The following CYTH3 variants were observed in gnomAD, a reference collection of about 807,000 sequenced individuals.
CYTH3 encodes cytohesin 3.
A neutral mutation model predicts 55.1 loss-of-function variants in CYTH3; 23 were observed. That is an observed-to-expected ratio of 0.42 (90% CI 0.30 to 0.59). The LOEUF is 0.59. CYTH3 is among the 20% of genes least tolerant of loss of function. The pLI, the probability that CYTH3 is intolerant of heterozygous loss-of-function variation, is 0.20. For missense variants in CYTH3, 413 were observed against 524.8 expected (o/e 0.79, Z 2.08); for synonymous variants, 249 against 194.9 (o/e 1.28, Z -2.31).
intron 9 of CYTH3, 123 bp from the exon 10 acceptor site, chr7:6,165,933 G>C: frequency 1.1e-6 from 1 of 931,354 alleles, no homozygotes; most frequent in South Asian, 1.5e-5. Flanking sequence ...GCCAGGCTTG[G>C]GTTCAGGTGT....
intron 1 of CYTH3, among the ~76,000 whole-genome samples, chr7:6,204,199 TACAG>T (rs1784132472): frequency 6.6e-6 from 1 of 152,188 alleles, no homozygotes; most frequent in African/African-American, 2.4e-5. Flanking sequence ...TTACAATTGA[TACAG>T]ACAAACTCAG....
chr7:6,198,852 C>T (rs947846293), intron 1 of CYTH3, among the ~76,000 whole-genome samples: 4 of 152,042 alleles, frequency 2.6e-5, no homozygotes, highest in African/African-American at 7.2e-5. Context: ...AATGCACCCA[C>T]CACGAGCTTC....
At chr7:6,214,808 T>C (rs1446865911) in intron 1 of CYTH3, among the ~76,000 whole-genome samples, 3 of 152,178 alleles carry the variant, frequency 2.0e-5, no homozygotes, top group African/African-American at 4.8e-5. Context: ...GTACCAACTA[T>C]GATAAAAACT....
rs147202602 is a variant in CYTH3, at chr7:6,175,587, A to G, written c.369-1854T>C. ...TTTTTTGAGAGAGTCTCACTCTGTT[A>G]CCCAGGCTGGAGTCCAATAACATGA... On this transcript the variant is annotated intron_variant, in intron 5 of 12. Transcript: ENST00000350796. Among the ~76,000 whole-genome samples, 812 of 109,574 alleles carry G rather than the reference A, an allele frequency of 7.4e-3. 7 individuals carry two copies. Among genetic ancestry groups the G allele is most frequent in the African/African-American group, 0.029 (769 of 26,512 alleles). 71.9% of individuals were successfully genotyped at this position (109,574 alleles called of 152,430 possible).
At chr7:6,207,180 C>G (rs1784211739) in intron 1 of CYTH3, among the ~76,000 whole-genome samples, 1 of 149,574 alleles carries the variant, frequency 6.7e-6, no homozygotes, top group Admixed American at 6.7e-5. Context: ...CTGCAAGCTC[C>G]ACCTCCTGGG....
rs1056986105 is a variant in CYTH3, at chr7:6,170,599, G to A, written c.759C>T (p.Asp253=). ...AGGTGTGGGTCAGGTCGTTCCCGTC[G>A]TCCTCCGGGATCTTAAATGGCTCGT... is the stretch of plus-strand genomic sequence containing the variant. The part of the protein sequence containing the change: ...IKNEPFKIPE[D]DGNDLTHTFF... The change falls in exon 9 of 13, where the codon GAC becomes GAT. Residue 253 remains aspartate, a synonymous_variant. Coordinates refer to ENST00000350796, the MANE Select transcript of CYTH3 (RefSeq NM_004227.4). The surrounding 1 kb of genome is among the most constrained non-coding windows in gnomAD (Gnocchi z 7.8). 6.2e-6 allele frequency: 10 copies of A among 1,613,858 alleles called. No individual in the cohort carries two copies. Among genetic ancestry groups the A allele is most frequent in the Admixed American group, 1.7e-5 (1 of 59,980 alleles).
chr7:6,246,509 G>T (rs1779820688), intron 1 of CYTH3, among the ~76,000 whole-genome samples: 1 of 152,062 alleles, frequency 6.6e-6, no homozygotes, highest in South Asian at 2.1e-4. Flanking sequence ...CACACATGTA[G>T]ATGTGTGACG....
intron 1 of CYTH3, among the ~76,000 whole-genome samples, chr7:6,247,422 G>GT (rs35473036): frequency 0.051 from 7,743 of 151,668 alleles, 651 homozygotes; most frequent in African/African-American, 0.18. Flanking sequence ...GAAACAGCTC[G>GT]TTTTTTTTCA....
intron 1 of CYTH3, among the ~76,000 whole-genome samples, chr7:6,203,864 G>T (rs954827515): frequency 6.6e-6 from 1 of 151,852 alleles, no homozygotes; most frequent in African/African-American, 2.4e-5. Flanking sequence ...GACTACAGGC[G>T]CCTGCCACCA....
Position 6,197,281 on chromosome 7 carries a change from CA to C in CYTH3, c.35-6751del, listed in dbSNP as rs555929814. On this transcript the variant is annotated intron_variant, in intron 1 of 12. Transcript: ENST00000350796. The stretch of plus-strand genomic sequence containing the variant: ...TAAAAGAAAATTTTGTACAGTGGGA[CA>C]AAGACATGGTGGCTGTGTAGAGAAA... 2.7e-3 allele frequency among the ~76,000 whole-genome samples: 415 copies of C among 152,238 alleles called. 8 individuals carry two copies. The highest frequency in any genetic ancestry group is 1.4e-3 in the Non-Finnish European group (92 of 68,016).
chr7:6,198,327 A>G (rs1425027188), intron 1 of CYTH3, among the ~76,000 whole-genome samples: 1 of 137,284 alleles, frequency 7.3e-6, no homozygotes, highest in Non-Finnish European at 1.6e-5. Flanking sequence ...TTGGACACCC[A>G]GATTGTATAG....
At chr7:6,214,944 GA>G in intron 1 of CYTH3, among the ~76,000 whole-genome samples, 1 of 151,196 alleles carries the variant, frequency 6.6e-6, no homozygotes, top group East Asian at 1.9e-4. Context: ...TGATTGGCTT[GA>G]AAAAAAAGAG....
chr7:6,237,492 C>T (rs1779553613), intron 1 of CYTH3, among the ~76,000 whole-genome samples: 2 of 152,116 alleles, frequency 1.3e-5, no homozygotes, highest in African/African-American at 2.4e-5. Flanking sequence ...GGCGGATCTC[C>T]AGGTCAGGAG....
intron 1 of CYTH3, among the ~76,000 whole-genome samples, chr7:6,231,764 G>C (rs1002212735): frequency 1.1e-4 from 17 of 152,160 alleles, no homozygotes; most frequent in African/African-American, 4.1e-4. Flanking sequence ...TATCCCCCAA[G>C]TGGGGATCCC....
chr7:6,223,122 T>C (rs1225023884), intron 1 of CYTH3, among the ~76,000 whole-genome samples: 1 of 152,202 alleles, frequency 6.6e-6, no homozygotes, highest in Non-Finnish European at 1.5e-5. Context: ...CTGCCCTTCG[T>C]CTGGGAGGCG....
intron 1 of CYTH3, among the ~76,000 whole-genome samples, chr7:6,252,998 C>A (rs1349247381): frequency 1.3e-5 from 2 of 152,120 alleles, no homozygotes; most frequent in Non-Finnish European, 2.9e-5. Flanking sequence ...TCCGTAACTC[C>A]TTCTGGTTAC....
intron 1 of CYTH3, among the ~76,000 whole-genome samples, chr7:6,211,726 G>A (rs1010638921): frequency 3.3e-5 from 5 of 152,242 alleles, no homozygotes; most frequent in Admixed American, 2.0e-4. Flanking sequence ...GGCTGGGCAC[G>A]GTGGCTCATG....
intron 1 of CYTH3, among the ~76,000 whole-genome samples, chr7:6,255,706 T>G (rs999042496): frequency 1.3e-5 from 2 of 151,108 alleles, no homozygotes; most frequent in South Asian, 4.2e-4. Context: ...AGACTCCCTA[T>G]GTGGGGGAGA....
At chr7:6,176,865 C>G (rs545742063) in intron 5 of CYTH3, among the ~76,000 whole-genome samples, 2 of 152,156 alleles carry the variant, frequency 1.3e-5, no homozygotes, top group Non-Finnish European at 2.9e-5. Flanking sequence ...TATAGGTACC[C>G]TCCATCATGT....
Sources: allele counts gnomAD v4.1 joint callset (sites outside exome capture counted in the v4.1 genomes callset), GRCh38; gene constraint gnomAD v4.1.1; non-coding constraint Gnocchi (gnomAD v3.1); transcripts MANE v1.5; gene names NCBI Gene and HGNC (gene_info 2026-07-23, HGNC 2026-07-21).